Variants in RAD50 observed in about 807,000 individuals in gnomAD.
RAD50 encodes RAD50 double strand break repair protein.
Under a neutral mutation model 168.8 loss-of-function variants are expected in RAD50, and 132 were observed. The observed-to-expected ratio is 0.78, with a 90% CI of 0.68 to 0.90. The LOEUF (loss-of-function observed/expected upper bound fraction) is 0.90. Ranked by LOEUF, RAD50 falls within the 40% of genes least tolerant of loss-of-function variation. The pLI is 0.00. For synonymous variants in RAD50, 525 were observed against 497.4 expected (o/e 1.06, Z -0.74); for missense variants, 1,347 against 1,534.4 (o/e 0.88, Z 2.04).
rs1444096550 is a variant in RAD50 at position 132,609,216 on chromosome 5, TA to T, written c.2922+11del. The T allele has an allele frequency of 6.2e-7, 1 of 1,609,038 alleles. No homozygotes were observed. The highest frequency in any genetic ancestry group is 2.2e-5 in the East Asian group (1 of 44,734). On this transcript the variant is annotated splice_region_variant and intron_variant, in intron 18 of 24. Transcript: ENST00000378823. ...GAAAGACGACTATAAGAAGGTAATT[TA>T]AAACTTAAAATTATTTATTTGATTG...
At position 132,604,166 on chromosome 5, in the gene RAD50, T is replaced by C. The variant is rs147752750; in HGVS notation, c.2524+120T>C. 419 of 1,246,102 alleles carry C rather than the reference T, an allele frequency of 3.4e-4. 4 individuals carry two copies. In the East Asian group the frequency reaches 7.8e-3, roughly 23 times the overall value. The allele number at this position is 1,246,102 out of a possible 1,614,324, so 77.2% of individuals were successfully genotyped here. A position where few individuals can be genotyped will look rare whatever the true frequency, so the allele number is the denominator to read the frequency against. On this transcript the variant is annotated intron_variant, in intron 15 of 24. Transcript: ENST00000378823. ...GAAGTTCCTTCCTGTCCACATATATTTGCTCTTTTTTTCTGAAAAGCATCA... is the reference window on the plus strand; with the variant it reads ...GAAGTTCCTTCCTGTCCACATATATCTGCTCTTTTTTTCTGAAAAGCATCA...
At chr5:132,615,962 A>T in intron 19 of RAD50, 41 bp from the exon 20 acceptor site, 4 of 1,532,812 alleles carry the variant, frequency 2.6e-6, no homozygotes, top group Non-Finnish European at 3.6e-6. Context: ...CATGTTAGTA[A>T]CTTGGTTATT....
chr5:132,587,523 A>G (rs747681338), intron 5 of RAD50, 39 bp from the exon 6 acceptor site: 3 of 1,607,182 alleles, frequency 1.9e-6, no homozygotes, highest in Non-Finnish European at 2.5e-6. Context: ...CATGTAAGCT[A>G]TAGTGAGTTT....
chr5:132,587,085 A>C lies in RAD50; in HGVS notation c.757-477A>C, dbSNP rs965629737. ...GCAGGCCACTGAGCTCCCTTGTTGT[A>C]CTTTACTTGCTCAGAGTCCTCTGTG... is the stretch of plus-strand genomic sequence containing the variant. On this transcript the variant is annotated intron_variant, in intron 5 of 24. Transcript: ENST00000378823. Among the ~76,000 whole-genome samples the C allele has an allele frequency of 3.9e-5, 6 of 152,242 alleles. No homozygotes were observed. The South Asian group carries it at 1.2e-3, about 32-fold the overall frequency.
At chr5:132,639,488 TA>T (rs1205541853) in intron 23 of RAD50, among the ~76,000 whole-genome samples, 1 of 152,242 alleles carries the variant, frequency 6.6e-6, no homozygotes, top group Non-Finnish European at 1.5e-5. Flanking sequence ...TTGTGATCTG[TA>T]ATCAGTATCC....
At chr5:132,602,333 A>G (rs914368769) in intron 13 of RAD50, among the ~76,000 whole-genome samples, 1 of 152,098 alleles carries the variant, frequency 6.6e-6, no homozygotes, top group Non-Finnish European at 1.5e-5. Flanking sequence ...AATTCAATAT[A>G]ATTTTAAATA....
chr5:132,596,793 A>C (rs1750798795), intron 13 of RAD50, among the ~76,000 whole-genome samples: 1 of 152,236 alleles, frequency 6.6e-6, no homozygotes, highest in South Asian at 2.1e-4. Flanking sequence ...CAGATGTGTT[A>C]GGTAAGAAGG....
chr5:132,601,145 C>T (rs1266950436), intron 13 of RAD50, among the ~76,000 whole-genome samples: 1 of 152,124 alleles, frequency 6.6e-6, no homozygotes. Flanking sequence ...TACAGGCGCC[C>T]TTCACCACGC....
chr5:132,595,325 G>C (rs542180789), intron 12 of RAD50: 21 of 526,778 alleles, frequency 4.0e-5, no homozygotes, highest in African/African-American at 3.8e-4. Context: ...CTGGCACATA[G>C]AAAGCTCTCA....
At position 132,603,993 on chromosome 5, in the gene RAD50, C is replaced by T; in HGVS notation, c.2471C>T (p.Thr824Ile). Residue 824 changes from threonine to isoleucine, a missense_variant, in exon 15 of 25, where the codon ACT becomes ATT. Around this residue, in one of 3 missense-constraint regions of RAD50, gnomAD observed 635 missense variants for 739.2 expected, o/e 0.86. Coordinates refer to ENST00000378823, the MANE Select transcript of RAD50 (RefSeq NM_005732.4). ...CTACAAGGAATAGACTTAGATCGAA[C>T]TGTCCAACAAGTCAACCAGGAGAAA... ...AKLQGIDLDR[T>I]VQQVNQEKQE... The T allele has an allele frequency of 1.2e-6, 2 of 1,613,622 alleles. No individual in the cohort carries two copies. Among genetic ancestry groups the T allele is most frequent in the Non-Finnish European group, 1.7e-6 (2 of 1,179,620 alleles).
At chr5:132,575,117 C>T (rs998689082) in intron 2 of RAD50, among the ~76,000 whole-genome samples, 4 of 152,120 alleles carry the variant, frequency 2.6e-5, no homozygotes, top group African/African-American at 4.8e-5. Context: ...TGTATGAGTC[C>T]GTTTTCACAC....
At chr5:132,624,761 G>A (rs146979326) in intron 21 of RAD50, among the ~76,000 whole-genome samples, 1,910 of 151,634 alleles carry the variant, frequency 0.013, 49 homozygotes, top group African/African-American at 0.044. Flanking sequence ...TTATCTGGGC[G>A]TGGTAGCACA....
rs115961810 is a variant in RAD50 at position 132,592,946 on chromosome 5, T to G, written c.1793+912T>G. 773 of 467,230 alleles carry G rather than the reference T, an allele frequency of 1.7e-3. 2 individuals are homozygous for G. The highest frequency in any genetic ancestry group is 0.013 in the African/African-American group (664 of 50,178). 28.9% of individuals were successfully genotyped at this position (467,230 alleles called of 1,614,324 possible). On this transcript the variant is annotated intron_variant, in intron 11 of 24. Coordinates refer to ENST00000378823, the MANE Select transcript of RAD50 (RefSeq NM_005732.4). Reference sequence around the variant, plus strand: ...AACTTTAATTTTTCAGTCAGAATTGTGTAACCTGAATCAATTGAGGTGTCT... The same window carrying G: ...AACTTTAATTTTTCAGTCAGAATTGGGTAACCTGAATCAATTGAGGTGTCT...
At chr5:132,621,004 G>A (rs1409079020) in intron 21 of RAD50, among the ~76,000 whole-genome samples, 1 of 152,076 alleles carries the variant, frequency 6.6e-6, no homozygotes, top group Non-Finnish European at 1.5e-5. Flanking sequence ...GATGGCAGAG[G>A]TGGAAGAAAA....
chr5:132,618,300 T>C lies in RAD50; in HGVS notation c.3389+6T>C. ...TATTATAAGACTCTTGACCAGTAAG[T>C]ATTAGACTGGGGATTTTCTTATTGC... On this transcript the variant is annotated splice_donor_region_variant and intron_variant, in intron 21 of 24. Coordinates refer to ENST00000378823, the MANE Select transcript of RAD50 (RefSeq NM_005732.4). The C allele has an allele frequency of 6.2e-7, 1 of 1,613,826 alleles. No homozygotes were observed. The highest frequency in any genetic ancestry group is 1.1e-5 in the South Asian group (1 of 90,940).
chr5:132,595,985 C>T (rs1245541723), intron 13 of RAD50, among the ~76,000 whole-genome samples, 175 bp downstream of exon 13: 1 of 151,812 alleles, frequency 6.6e-6, no homozygotes, highest in Non-Finnish European at 1.5e-5. Context: ...AGCTTGTTTC[C>T]TGTCTTTTTT....
chr5:132,609,588 C>T (rs139835224), intron 19 of RAD50, among the ~76,000 whole-genome samples, 192 bp downstream of exon 19: 499 of 152,228 alleles, frequency 3.3e-3, no homozygotes, highest in Non-Finnish European at 5.4e-3. Context: ...TCAAGACCAG[C>T]CTGGCCAACA....
Position 132,588,019 on chromosome 5 carries a change from T to A in RAD50, c.981T>A (p.Arg327=). The A allele has an allele frequency of 6.2e-7, 1 of 1,612,314 alleles. No individual in the cohort carries two copies. Among genetic ancestry groups the A allele is most frequent in the Non-Finnish European group, 8.5e-7 (1 of 1,178,522 alleles). ...AAAGGAAATTGGTAGACTGTCATCG[T>A]GAACTGGAAAAACTAAATAAAGAAT... ...EKERKLVDCH[R]ELEKLNKESR... The change falls in exon 7 of 25, where the codon CGT becomes CGA. Residue 327 remains arginine (R), a synonymous_variant. Transcript: ENST00000378823.
rs786201702 is a variant in RAD50 at position 132,603,976 on chromosome 5, A to G, written c.2454A>G (p.Gly818=). The change falls in exon 15 of 25, where the codon GGA becomes GGG. Residue 818 remains glycine (G), a synonymous_variant. Transcript: ENST00000378823. Reference sequence around the variant, plus strand: ...CACAACAAGCAGCTAAGCTACAAGGAATAGACTTAGATCGAACTGTCCAAC... The same window carrying G: ...CACAACAAGCAGCTAAGCTACAAGGGATAGACTTAGATCGAACTGTCCAAC... The part of the protein sequence containing the change: ...KIAQQAAKLQ[G]IDLDRTVQQV... The G allele has an allele frequency of 1.2e-6, 2 of 1,612,694 alleles. No individual in the cohort carries two copies. Among genetic ancestry groups the G allele is most frequent in the African/African-American group, 1.3e-5 (1 of 74,894 alleles).
Sources: allele counts gnomAD v4.1 joint callset (sites outside exome capture counted in the v4.1 genomes callset), GRCh38; gene constraint gnomAD v4.1.1; regional missense constraint gnomAD v4.1.1; transcripts MANE v1.5; gene names NCBI Gene and HGNC (gene_info 2026-07-23, HGNC 2026-07-21).